The following B4GALT5 variants were observed in gnomAD, a reference collection of about 807,000 sequenced individuals.
B4GALT5 encodes the protein UDP-Gal:beta-GlcNAc beta-1,4-galactosyltransferase 5.
Under a neutral mutation model 45.0 loss-of-function variants are expected in B4GALT5, and 11 were observed. That is an observed-to-expected ratio of 0.24 (90% confidence interval 0.15 to 0.40). The LOEUF is 0.40. Ranked by LOEUF, B4GALT5 falls within the 10% of genes least tolerant of loss-of-function variation. B4GALT5 has a pLI of 1.00. For missense variants in B4GALT5, 337 were observed against 500.2 expected (o/e 0.67, Z 3.11); for synonymous variants, 185 against 182.9 (o/e 1.01, Z -0.09).
intron 1 of B4GALT5, among the ~76,000 whole-genome samples, chr20:49,708,063 G>A (rs563274347): frequency 1.4e-5 from 2 of 138,114 alleles, no homozygotes; most frequent in South Asian, 2.4e-4. Flanking sequence ...GTAAAACCCC[G>A]TCTCTACTAA....
chr20:49,674,678 C>G (rs2085730320), intron 1 of B4GALT5, among the ~76,000 whole-genome samples: 1 of 151,026 alleles, frequency 6.6e-6, no homozygotes, highest in African/African-American at 2.4e-5. Context: ...ATAGCGAGAC[C>G]CCATCCCTAT....
chr20:49,695,705 T>C (rs911904152), intron 1 of B4GALT5, among the ~76,000 whole-genome samples: 1 of 152,144 alleles, frequency 6.6e-6, no homozygotes, highest in Non-Finnish European at 1.5e-5. Context: ...CCGGCCAGTG[T>C]GGTCACTGTT....
chr20:49,674,840 C>T (rs1600544369), intron 1 of B4GALT5, among the ~76,000 whole-genome samples: 1 of 152,146 alleles, frequency 6.6e-6, no homozygotes, highest in East Asian at 1.9e-4. Flanking sequence ...GTCCAAATTC[C>T]TCATGCTTAG....
chr20:49,680,766 A>C (rs2085760694), intron 1 of B4GALT5, among the ~76,000 whole-genome samples: 2 of 152,162 alleles, frequency 1.3e-5, no homozygotes, highest in Admixed American at 6.5e-5. Flanking sequence ...TAAATTGTAT[A>C]CTTCAAATGA....
rs2085587030 is a variant in B4GALT5, at chr20:49,643,760, TTAGCAAGGATGG to T, written c.365-122_365-111del. The T allele has an allele frequency of 4.0e-6, 5 of 1,247,932 alleles. No individual in the cohort carries two copies. In the East Asian group the frequency reaches 1.3e-4, roughly 32 times the overall value. 77.3% of individuals were successfully genotyped at this position (1,247,932 alleles called of 1,614,324 possible). On this transcript the variant is annotated intron_variant, in intron 3 of 8. Transcript: ENST00000371711. Reference sequence around the variant, plus strand: ...AATGCTTTTTCAGCTGAATTTGTTTTTAGCAAGGATGGAAGTCCCTTCCTCTGCTTTCCATCT... The same window carrying T: ...AATGCTTTTTCAGCTGAATTTGTTTTAAGTCCCTTCCTCTGCTTTCCATCT...
intron 1 of B4GALT5, among the ~76,000 whole-genome samples, chr20:49,663,549 A>T (rs2085673796): frequency 6.6e-6 from 1 of 151,080 alleles, no homozygotes; most frequent in South Asian, 2.1e-4. Context: ...GTATTAAAAA[A>T]ATTATCTAGC....
chr20:49,647,680 T>C (rs557212632), intron 2 of B4GALT5, among the ~76,000 whole-genome samples: 1 of 152,356 alleles, frequency 6.6e-6, no homozygotes, highest in South Asian at 2.1e-4. Context: ...GCATCTTGTT[T>C]TTCTGTTTGC....
intron 5 of B4GALT5, among the ~76,000 whole-genome samples, chr20:49,641,601 C>G (rs2085577212): frequency 6.6e-6 from 1 of 152,196 alleles, no homozygotes; most frequent in African/African-American, 2.4e-5. Context: ...CCCAGCCTTG[C>G]TGAACAGTGG....
chr20:49,707,847 C>A (rs1473863017), intron 1 of B4GALT5, among the ~76,000 whole-genome samples: 1 of 151,024 alleles, frequency 6.6e-6, no homozygotes, highest in Non-Finnish European at 1.5e-5. Flanking sequence ...CTCCTGGACA[C>A]AAGGAATCCG....
rs1440319845 is a variant in B4GALT5 at position 49,666,387 on chromosome 20, G to T, written c.116-9685C>A. Among the ~76,000 whole-genome samples, 4 of 152,122 alleles carry T rather than the reference G, an allele frequency of 2.6e-5. No individual in the cohort carries two copies. In the East Asian group the frequency reaches 7.7e-4, roughly 29 times the overall value. ...CAAAGGTGCTGCTTGGTGCTCAGGG[G>T]GGTCTGTTAGACTGGGTTTTCTTTC... On this transcript the variant is annotated intron_variant, in intron 1 of 8. Transcript: ENST00000371711.
At chr20:49,662,716 CT>C (rs1319831588) in intron 1 of B4GALT5, among the ~76,000 whole-genome samples, 4 of 152,186 alleles carry the variant, frequency 2.6e-5, no homozygotes, top group Admixed American at 2.0e-4. Flanking sequence ...AAAAGATTAG[CT>C]TTCCCCCCAA....
At chr20:49,691,785 T>C (rs532748708) in intron 1 of B4GALT5, among the ~76,000 whole-genome samples, 9 of 152,326 alleles carry the variant, frequency 5.9e-5, no homozygotes, top group African/African-American at 2.2e-4. Flanking sequence ...TTTTAGATTG[T>C]CTTTATTTTC....
chr20:49,669,088 T>C (rs1020235214), intron 1 of B4GALT5, among the ~76,000 whole-genome samples: 1 of 152,030 alleles, frequency 6.6e-6, no homozygotes, highest in African/African-American at 2.4e-5. Context: ...CTCAAACTCC[T>C]GGGCTCAAGC....
At chr20:49,676,337 C>A (rs2085737316) in intron 1 of B4GALT5, among the ~76,000 whole-genome samples, 1 of 152,144 alleles carries the variant, frequency 6.6e-6, no homozygotes, top group Non-Finnish European at 1.5e-5. Context: ...GAAAGACTTT[C>A]TTGAAGGGTC....
At chr20:49,642,216 A>C (rs1035402848) in intron 5 of B4GALT5, among the ~76,000 whole-genome samples, 1 of 151,982 alleles carries the variant, frequency 6.6e-6, no homozygotes, top group Non-Finnish European at 1.5e-5. Context: ...CACCAACAAA[A>C]CCATAATACA....
At chr20:49,678,475 G>A (rs979155659) in intron 1 of B4GALT5, among the ~76,000 whole-genome samples, 1 of 152,198 alleles carries the variant, frequency 6.6e-6, no homozygotes, top group African/African-American at 2.4e-5. Context: ...CTGCAAGACA[G>A]GCACCAGCCA....
chr20:49,661,817 A>G (rs892456676), intron 1 of B4GALT5, among the ~76,000 whole-genome samples: 15 of 152,244 alleles, frequency 9.9e-5, no homozygotes, highest in African/African-American at 2.9e-4. Flanking sequence ...CATTTAACAC[A>G]AATTCACACT....
intron 1 of B4GALT5, among the ~76,000 whole-genome samples, chr20:49,699,099 C>G (rs1055443347): frequency 3.3e-5 from 5 of 152,030 alleles, no homozygotes; most frequent in Non-Finnish European, 5.9e-5. Flanking sequence ...TTTTTCTAAT[C>G]AAAAATCAGA....
At chr20:49,698,093 A>G (rs1486243811) in intron 1 of B4GALT5, among the ~76,000 whole-genome samples, 1 of 152,170 alleles carries the variant, frequency 6.6e-6, no homozygotes, top group African/African-American at 2.4e-5. Context: ...AGGCAGAGGC[A>G]GGCAGATTAC....
Sources: gnomAD v4.1 joint callset for allele counts (sites outside exome capture counted in the v4.1 genomes callset) on GRCh38, gnomAD v4.1.1 for gene constraint, MANE v1.5 for transcripts, NCBI Gene and HGNC (gene_info 2026-07-23, HGNC 2026-07-21) for gene names.